The following SEMA3E variants were observed in gnomAD, a reference collection of about 807,000 sequenced individuals.
The protein encoded by SEMA3E is semaphorin 3E, also known as semaphorin-3E.
SEMA3E carries 49 observed loss-of-function variants against 93.6 expected under a neutral mutation model. The observed-to-expected ratio is 0.52, with a 90% confidence interval of 0.42 to 0.66. The LOEUF (loss-of-function observed/expected upper bound fraction) is 0.66, where lower values mean the gene tolerates loss of function less well. Among genes scored for constraint, SEMA3E ranks in the 30% least tolerant of loss-of-function variants. The pLI is 0.00. For synonymous variants in SEMA3E, 363 were observed against 330.7 expected (o/e 1.10, Z -1.06); for missense variants, 906 against 964.8 (o/e 0.94, Z 0.81).
chr7:83,509,537 A>C (rs1429725864), intron 1 of SEMA3E, among the ~76,000 whole-genome samples: 3 of 152,184 alleles, frequency 2.0e-5, no homozygotes, highest in Non-Finnish European at 4.4e-5. Context: ...ACAGAAAACA[A>C]AACAAAACAA....
chr7:83,463,112 A>G (rs1316971344), intron 4 of SEMA3E, among the ~76,000 whole-genome samples: 3 of 150,746 alleles, frequency 2.0e-5, no homozygotes, highest in African/African-American at 4.9e-5. Flanking sequence ...TCTCATAAAA[A>G]CACACGTGCT....
intron 4 of SEMA3E, among the ~76,000 whole-genome samples, chr7:83,456,672 A>G (rs1181107759): frequency 6.6e-6 from 1 of 151,152 alleles, no homozygotes; most frequent in Admixed American, 6.6e-5. Context: ...GGAGTGCAAT[A>G]GTGAGATTTT....
chr7:83,559,729 A>G (rs967705708), intron 1 of SEMA3E, among the ~76,000 whole-genome samples: 2 of 152,082 alleles, frequency 1.3e-5, no homozygotes, highest in Admixed American at 6.6e-5. Context: ...GTATTTACAC[A>G]AAGGAACTGA....
At chr7:83,426,369 T>A (rs1788769365) in intron 4 of SEMA3E, among the ~76,000 whole-genome samples, 1 of 148,838 alleles carries the variant, frequency 6.7e-6, no homozygotes, top group Non-Finnish European at 1.5e-5. Flanking sequence ...ATGTGATACA[T>A]ATACACCATG....
intron 14 of SEMA3E, among the ~76,000 whole-genome samples, chr7:83,391,198 A>C (rs1228240101): frequency 1.3e-5 from 2 of 152,224 alleles, no homozygotes; most frequent in South Asian, 4.1e-4. Flanking sequence ...TCTACCTTCA[A>C]GATTAAGCTC....
chr7:83,389,586 T>C (rs1328768280), intron 14 of SEMA3E, among the ~76,000 whole-genome samples: 2 of 151,698 alleles, frequency 1.3e-5, no homozygotes, highest in Admixed American at 6.6e-5. Flanking sequence ...TATACATATA[T>C]ACATACACAC....
chr7:83,516,227 C>T (rs1201811485), intron 1 of SEMA3E, among the ~76,000 whole-genome samples: 4 of 152,114 alleles, frequency 2.6e-5, no homozygotes, highest in African/African-American at 9.7e-5. Flanking sequence ...TTTCTGGGCA[C>T]ACTAATACAT....
chr7:83,511,723 A>G (rs757805997), intron 1 of SEMA3E, among the ~76,000 whole-genome samples: 17 of 151,960 alleles, frequency 1.1e-4, no homozygotes, highest in Non-Finnish European at 2.2e-4. Context: ...TGTCTCTACT[A>G]AAAATACAAA....
chr7:83,581,740 T>C (rs1261759999), intron 1 of SEMA3E, among the ~76,000 whole-genome samples: 1 of 152,016 alleles, frequency 6.6e-6, no homozygotes, highest in Non-Finnish European at 1.5e-5. Flanking sequence ...AAATTGATCA[T>C]TAAACTGCTA....
At chr7:83,644,996 G>A (rs1794061026) in intron 1 of SEMA3E, among the ~76,000 whole-genome samples, 1 of 151,918 alleles carries the variant, frequency 6.6e-6, no homozygotes, top group South Asian at 2.1e-4. Context: ...TGTCTGCCAA[G>A]CTCCCATGAT....
intron 4 of SEMA3E, among the ~76,000 whole-genome samples, chr7:83,451,250 A>G (rs967040015): frequency 6.6e-6 from 1 of 152,302 alleles, no homozygotes; most frequent in Admixed American, 6.5e-5. Flanking sequence ...AGTTTCAGGC[A>G]GTTCTTTATA....
Position 83,363,859 on chromosome 7 carries a change from CATTTTTTTTTTTTTTTTTTTTTTTTTTT to C in SEMA3E, c.*3699_*3726del, listed in dbSNP as rs1253736664. 4 of 100,556 alleles carry C rather than the reference CATTTTTTTTTTTTTTTTTTTTTTTTTTT, an allele frequency of 4.0e-5. No homozygotes were observed. Among genetic ancestry groups the C allele is most frequent in the South Asian group, 3.2e-4 (1 of 3,100 alleles). The allele number at this position is 100,556 out of a possible 1,614,324, so 6.2% of individuals were successfully genotyped here. On this transcript the variant is annotated 3_prime_UTR_variant, in exon 17 of 17. Coordinates refer to ENST00000643230, the MANE Select transcript of SEMA3E (RefSeq NM_012431.3). The stretch of plus-strand genomic sequence containing the variant: ...AGGCTACAGGTGTCACAGGTCAATT[CATTTTTTTTTTTTTTTTTTTTTTTTTTT>C]TTTTTTTTTTTTTTTTTTGAGACGG...
intron 4 of SEMA3E, among the ~76,000 whole-genome samples, chr7:83,466,111 T>A (rs1193270418): frequency 1.3e-5 from 2 of 152,328 alleles, no homozygotes; most frequent in East Asian, 3.9e-4. Context: ...TTTATTTATG[T>A]AAATTATATA....
chr7:83,648,429 T>C lies in SEMA3E; in HGVS notation c.114A>G (p.Lys38=). The C allele has an allele frequency of 6.3e-7, 1 of 1,595,280 alleles. No individual in the cohort carries two copies. Among genetic ancestry groups the C allele is most frequent in the Non-Finnish European group, 8.6e-7 (1 of 1,163,522 alleles). The part of the protein sequence containing the change: ...TTHPRLRLSH[K]ELLNLNRTSI... The stretch of plus-strand genomic sequence containing the variant: ...AAAGGATCTGGAAAGGTAACCTACC[T>C]TTATGTGACAGGCGTAACCGGGGGT... Residue 38 remains lysine (K), a splice_region_variant and synonymous_variant, in exon 1 of 17, where the codon AAA becomes AAG. Coordinates refer to ENST00000643230, the MANE Select transcript of SEMA3E (RefSeq NM_012431.3).
At chr7:83,410,774 A>C (rs2115663934) in intron 5 of SEMA3E, among the ~76,000 whole-genome samples, 1 of 152,260 alleles carries the variant, frequency 6.6e-6, no homozygotes, top group Admixed American at 6.5e-5. Flanking sequence ...CACTTAAAAA[A>C]ATTGACTATT....
intron 1 of SEMA3E, among the ~76,000 whole-genome samples, chr7:83,557,165 T>C (rs1791913779): frequency 6.6e-6 from 1 of 152,128 alleles, no homozygotes; most frequent in South Asian, 2.1e-4. Context: ...GTCAAAGTAT[T>C]TTATTTGAAA....
At chr7:83,478,082 T>C (rs1301848620) in intron 2 of SEMA3E, among the ~76,000 whole-genome samples, 1 of 151,950 alleles carries the variant, frequency 6.6e-6, no homozygotes, top group African/African-American at 2.4e-5. Flanking sequence ...CACCACGCCC[T>C]GCTAATTTTT....
intron 4 of SEMA3E, among the ~76,000 whole-genome samples, chr7:83,425,961 C>G (rs1368673205): frequency 6.6e-6 from 1 of 151,950 alleles, no homozygotes; most frequent in East Asian, 1.9e-4. Context: ...AGCCAACAAC[C>G]ATATGAAAAA....
chr7:83,546,321 G>GGTGTGTGT (rs67647992), intron 1 of SEMA3E, among the ~76,000 whole-genome samples: 41 of 129,482 alleles, frequency 3.2e-4, no homozygotes, highest in Admixed American at 5.1e-4. Flanking sequence ...TATAATAAGG[G>GGTGTGTGT]GTGTGTGTGT....
Sources: gnomAD v4.1 joint callset for allele counts (sites outside exome capture counted in the v4.1 genomes callset) on GRCh38, gnomAD v4.1.1 for gene constraint, MANE v1.5 for transcripts, NCBI Gene and HGNC (gene_info 2026-07-23, HGNC 2026-07-21) for gene names.